Variants in ACTA2 observed in about 807,000 individuals in gnomAD.
ACTA2 encodes the protein actin alpha 2, smooth muscle, also known as actin, aortic smooth muscle.
A neutral mutation model predicts 39.5 loss-of-function variants in ACTA2; 12 were observed. That is an observed-to-expected ratio of 0.30 (90% CI 0.19 to 0.49). The LOEUF (loss-of-function observed/expected upper bound fraction) is 0.49, where lower values mean the gene tolerates loss of function less well. Ranked by LOEUF, ACTA2 falls within the 20% of genes least tolerant of loss-of-function variation. ACTA2 has a pLI of 0.99. For missense variants in ACTA2, 236 were observed against 498.8 expected (o/e 0.47, Z 5.02); for synonymous variants, 158 against 180.6 (o/e 0.88, Z 1.00).
chr10:88,936,398 T>C (rs1409452516), intron 8 of ACTA2, among the ~76,000 whole-genome samples: 1 of 152,228 alleles, frequency 6.6e-6, no homozygotes, highest in East Asian at 1.9e-4. Flanking sequence ...CCAAATCTCA[T>C]GTTGAGATGT....
At chr10:88,978,191 T>C (rs1158351256) in intron 1 of ACTA2, among the ~76,000 whole-genome samples, 17 of 128,294 alleles carry the variant, frequency 1.3e-4, no homozygotes, top group Non-Finnish European at 2.3e-4. Flanking sequence ...TAGGTGGGAA[T>C]TGAACAATGA....
At position 88,973,095 on chromosome 10, in the gene ACTA2, C is replaced by T. The variant is rs993616245; in HGVS notation, c.-24+17844G>A. On this transcript the variant is annotated intron_variant, in intron 1 of 4. Transcript: ENST00000415557. ...TTAGTCTTTCAAAAAATAATTTTAA[C>T]TTCTATGTTTTATTTTTCTATTTTA... 7.2e-6 allele frequency: 10 copies of T among 1,398,506 alleles called. No homozygotes were observed. In the African/African-American group the frequency reaches 1.5e-4, roughly 20 times the overall value. The allele number at this position is 1,398,506 out of a possible 1,614,324, so 86.6% of individuals were successfully genotyped here.
intron 1 of ACTA2, among the ~76,000 whole-genome samples, chr10:88,962,482 GC>G (rs1465603106): frequency 6.6e-6 from 1 of 152,102 alleles, no homozygotes; most frequent in African/African-American, 2.4e-5. Context: ...TTTCAGACAG[GC>G]ATCTGCCTGC....
chr10:88,961,840 C>A (rs1846231461), intron 1 of ACTA2, among the ~76,000 whole-genome samples: 1 of 152,132 alleles, frequency 6.6e-6, no homozygotes, highest in African/African-American at 2.4e-5. Context: ...CTTTATTATT[C>A]AGTGAAAATC....
At chr10:88,949,041 G>T in intron 1 of ACTA2, 88 bp from the exon 2 acceptor site, 1 of 1,349,784 alleles carries the variant, frequency 7.4e-7, no homozygotes, top group Non-Finnish European at 1.0e-6. Context: ...GGCTGGGTTT[G>T]GGGGCCCTCC....
At chr10:88,948,113 C>T (rs1845986175) in intron 2 of ACTA2, 1 of 156,718 alleles carries the variant, frequency 6.4e-6, no homozygotes, top group African/African-American at 2.4e-5. Context: ...AATATCTCCA[C>T]TGCATAAAGA....
chr10:88,959,895 TG>T (rs111527933), intron 1 of ACTA2, among the ~76,000 whole-genome samples: 4,740 of 152,302 alleles, frequency 0.031, 128 homozygotes, highest in African/African-American at 0.062. Context: ...AGTTTGGATT[TG>T]TCTGATGTTT....
upstream of ACTA2, among the ~76,000 whole-genome samples, chr10:88,953,662 C>T (rs900822304): frequency 3.3e-5 from 5 of 152,212 alleles, no homozygotes; most frequent in South Asian, 2.1e-4. Context: ...AATCTCGTCT[C>T]GAATTCTAAT....
At chr10:88,973,444 C>A in intron 1 of ACTA2, 1 of 1,066,022 alleles carries the variant, frequency 9.4e-7, no homozygotes, top group Non-Finnish European at 1.2e-6. Context: ...TCTGCCTTTC[C>A]TTTCTAAAGA....
At chr10:88,941,579 G>A (rs1845853330) in intron 5 of ACTA2, among the ~76,000 whole-genome samples, 189 bp from the exon 6 acceptor site, 1 of 152,152 alleles carries the variant, frequency 6.6e-6, no homozygotes, top group Non-Finnish European at 1.5e-5. Flanking sequence ...TAAAGAACAG[G>A]AAGAGGAAAA....
At chr10:88,975,336 G>A (rs753460512) in intron 1 of ACTA2, among the ~76,000 whole-genome samples, 1 of 152,202 alleles carries the variant, frequency 6.6e-6, no homozygotes, top group African/African-American at 2.4e-5. Flanking sequence ...TTTGAATGAG[G>A]TATTAGCTCC....
chr10:88,975,980 C>A (rs1243601459), intron 1 of ACTA2, among the ~76,000 whole-genome samples: 1 of 152,190 alleles, frequency 6.6e-6, no homozygotes, highest in Non-Finnish European at 1.5e-5. Context: ...AATCTGATGT[C>A]TCTTTCAAGT....
At chr10:88,971,682 C>A (rs958693839) in intron 1 of ACTA2, among the ~76,000 whole-genome samples, 9 of 152,098 alleles carry the variant, frequency 5.9e-5, no homozygotes, top group African/African-American at 2.2e-4. Flanking sequence ...TAATAGGACA[C>A]GTGTAAGACT....
In ACTA2 at chr10:88,990,900, A is replaced by G. The variant is rs760596246; in HGVS notation, c.-24+39T>C. 2 of 1,614,072 alleles carry G rather than the reference A, an allele frequency of 1.2e-6. No homozygotes were observed. The highest frequency in any genetic ancestry group is 1.7e-6 in the Non-Finnish European group (2 of 1,179,990). ...CCATGCTGGGCATCTGGACCCTCCT[A>G]CCTCTGGTGAGCCCTCTCCTGCCCG... is the stretch of plus-strand genomic sequence containing the variant. On this transcript the variant is annotated intron_variant, in intron 1 of 4. Transcript: ENST00000415557. The surrounding 1 kb of genome is among the most constrained non-coding windows in gnomAD (Gnocchi z 4.9).
chr10:88,969,304 A>C (rs1846380629), intron 1 of ACTA2, among the ~76,000 whole-genome samples: 1 of 152,050 alleles, frequency 6.6e-6, no homozygotes. Flanking sequence ...TTTTCCATCA[A>C]AAAAAAATCT....
intron 1 of ACTA2, among the ~76,000 whole-genome samples, chr10:88,957,921 C>T (rs1778914041): frequency 6.6e-6 from 1 of 152,136 alleles, no homozygotes; most frequent in South Asian, 2.1e-4. Context: ...GCACCTGCCA[C>T]TGTGCCTGGC....
chr10:88,957,197 A>G (rs1389876421), upstream of ACTA2, among the ~76,000 whole-genome samples: 1 of 152,226 alleles, frequency 6.6e-6, no homozygotes, highest in Non-Finnish European at 1.5e-5. Flanking sequence ...ATAAACTTGT[A>G]TCACTCCTTT....
rs1418187980 is a variant in ACTA2, at chr10:88,935,340, G to A, written c.1017C>T (p.Tyr339=). The change falls in exon 9 of 9, where the codon TAC becomes TAT. Residue 339 remains tyrosine, a synonymous_variant. Transcript: ENST00000224784. The part of the protein sequence containing the change: ...IKIIAPPERK[Y]SVWIGGSILA... Reference sequence around the variant, plus strand: ...GGATGGAGCCACCGATCCAGACAGAGTATTTGCGCTCCGGAGGGGCAATGA... The same window carrying A: ...GGATGGAGCCACCGATCCAGACAGAATATTTGCGCTCCGGAGGGGCAATGA... The A allele has an allele frequency of 2.5e-6, 4 of 1,613,940 alleles. No individual in the cohort carries two copies. Among genetic ancestry groups the A allele is most frequent in the Non-Finnish European group, 2.5e-6 (3 of 1,179,848 alleles).
upstream of ACTA2, among the ~76,000 whole-genome samples, chr10:88,954,184 ACC>A (rs1054018648): frequency 6.6e-6 from 1 of 152,184 alleles, no homozygotes; most frequent in African/African-American, 2.4e-5. Context: ...TACAGCCATG[ACC>A]AGCTGTTCAC....
Sources: allele counts gnomAD v4.1 joint callset (sites outside exome capture counted in the v4.1 genomes callset), GRCh38; gene constraint gnomAD v4.1.1; non-coding constraint Gnocchi (gnomAD v3.1); transcripts MANE v1.5; gene names NCBI Gene and HGNC (gene_info 2026-07-23, HGNC 2026-07-21).